AGBL4: variants seen among roughly 807,000 people sequenced by gnomAD.
AGBL4 encodes AGBL carboxypeptidase 4.
A neutral mutation model predicts 66.4 loss-of-function variants in AGBL4; 58 were observed. The ratio of observed to expected loss-of-function variants is 0.87; its 90% confidence interval spans 0.71 to 1.09. The LOEUF is 1.09. Ranked by LOEUF, AGBL4 falls within the 50% of genes least tolerant of loss-of-function variation. The probability of loss-of-function intolerance (pLI) is 0.00; values close to 1 mark genes in which losing one functional copy is unlikely to be tolerated. For missense variants in AGBL4, 579 were observed against 631.0 expected, an observed-to-expected ratio of 0.92 and a Z score of 0.88; for synonymous variants, 234 against 222.9, an observed-to-expected ratio of 1.05 and a Z score of -0.44.
Position 49,559,869 on chromosome 1 carries a change from T to C in AGBL4, c.282+137444A>G, listed in dbSNP as rs1176696622. On this transcript the variant is annotated intron_variant, in intron 3 of 13. Transcript: ENST00000371839. ...CCTATTGGGAAATTGTACTTTGTGATAGTGTGAGTCAATTATCACTAATAA... is the reference window on the plus strand; with the variant it reads ...CCTATTGGGAAATTGTACTTTGTGACAGTGTGAGTCAATTATCACTAATAA... Among the ~76,000 whole-genome samples, 8 of 152,292 alleles carry C rather than the reference T, an allele frequency of 5.3e-5. No homozygotes were observed. The East Asian group carries it at 1.2e-3, about 22-fold the overall frequency.
intron 2 of AGBL4, chr1:49,846,037 T>C: frequency 6.3e-7 from 1 of 1,592,724 alleles, no homozygotes; most frequent in East Asian, 2.2e-5. Context: ...TCAGTCAGCT[T>C]GCTCCCCTCA....
chr1:48,565,942 G>A (rs1644469884), intron 11 of AGBL4, among the ~76,000 whole-genome samples: 1 of 152,014 alleles, frequency 6.6e-6, no homozygotes, highest in African/African-American at 2.4e-5. Flanking sequence ...ATGAAGTATG[G>A]GCTTCACAAT....
chr1:48,793,064 A>G (rs146524588), intron 6 of AGBL4, among the ~76,000 whole-genome samples: 65 of 152,174 alleles, frequency 4.3e-4, no homozygotes, highest in Middle Eastern at 3.4e-3. Flanking sequence ...TTTATATCCA[A>G]TTTACACAAT....
rs530133008 is a variant in AGBL4, at chr1:49,465,395, T to G, written c.283-219531A>C. Among the ~76,000 whole-genome samples, 21 of 151,724 alleles carry G rather than the reference T, an allele frequency of 1.4e-4. No individual in the cohort carries two copies. In the East Asian group the frequency reaches 3.7e-3, roughly 27 times the overall value. On this transcript the variant is annotated intron_variant, in intron 3 of 13. Coordinates refer to ENST00000371839, the MANE Select transcript of AGBL4 (RefSeq NM_032785.4). ...GCCTGTGTCCTCATTTGTAAAACTG[T>G]CAGAATAAGAGCTGCCTTACCTACC...
intron 5 of AGBL4, among the ~76,000 whole-genome samples, chr1:49,035,914 C>G (rs1271390571): frequency 2.0e-5 from 3 of 151,842 alleles, no homozygotes; most frequent in Non-Finnish European, 4.4e-5. Context: ...CCGCTAAACA[C>G]TGGGGTCTCA....
chr1:49,034,906 C>T (rs192030224), intron 5 of AGBL4, among the ~76,000 whole-genome samples: 6 of 152,024 alleles, frequency 3.9e-5, no homozygotes, highest in Admixed American at 2.6e-4. Context: ...CAAGTATGTA[C>T]GCTAAAATTT....
At chr1:49,976,389 T>A (rs1474322902) in intron 1 of AGBL4, among the ~76,000 whole-genome samples, 2 of 152,158 alleles carry the variant, frequency 1.3e-5, no homozygotes, top group Admixed American at 1.3e-4. Context: ...TATATTGATA[T>A]AAATAACTGC....
At chr1:49,679,305 T>A (rs1202694526) in intron 3 of AGBL4, among the ~76,000 whole-genome samples, 2 of 152,182 alleles carry the variant, frequency 1.3e-5, no homozygotes, top group African/African-American at 4.8e-5. Context: ...CTGTCTCTGA[T>A]AATTTTCTTT....
At chr1:48,670,211 A>G (rs761550827) in intron 6 of AGBL4, among the ~76,000 whole-genome samples, 2 of 152,224 alleles carry the variant, frequency 1.3e-5, no homozygotes, top group Non-Finnish European at 2.9e-5. Context: ...GTCTTTACAA[A>G]GCAGTAAGGG....
chr1:49,844,989 A>T (rs1226212348), intron 2 of AGBL4: 1 of 1,401,310 alleles, frequency 7.1e-7, no homozygotes, highest in African/African-American at 1.4e-5. Context: ...CTGAACAACA[A>T]GGCCCCCACA....
intron 1 of AGBL4, among the ~76,000 whole-genome samples, chr1:50,002,805 C>T (rs184478427): frequency 8.7e-4 from 133 of 152,246 alleles, no homozygotes; most frequent in African/African-American, 3.1e-3. Flanking sequence ...CTAGGATATG[C>T]ATTACAGGAT....
intron 9 of AGBL4, among the ~76,000 whole-genome samples, chr1:48,629,099 A>G (rs1645551875): frequency 6.6e-6 from 1 of 152,174 alleles, no homozygotes; most frequent in Non-Finnish European, 1.5e-5. Context: ...TTTGTTATTT[A>G]GCTTCATCAA....
At chr1:49,473,872 A>G (rs1475763486) in intron 3 of AGBL4, among the ~76,000 whole-genome samples, 1 of 152,102 alleles carries the variant, frequency 6.6e-6, no homozygotes, top group Non-Finnish European at 1.5e-5. Context: ...TCCCAGAAGC[A>G]CTTGCTGAAT....
At chr1:49,711,450 A>G (rs933132498) in intron 2 of AGBL4, among the ~76,000 whole-genome samples, 1 of 152,242 alleles carries the variant, frequency 6.6e-6, no homozygotes, top group Non-Finnish European at 1.5e-5. Flanking sequence ...ATCAATCTCA[A>G]ATCATTATGT....
At chr1:49,260,054 A>T (rs1372650782) in intron 3 of AGBL4, among the ~76,000 whole-genome samples, 10 of 150,776 alleles carry the variant, frequency 6.6e-5, no homozygotes, top group Non-Finnish European at 1.3e-4. Context: ...CTCCTGAATG[A>T]CTACTGGGTA....
At position 49,313,564 on chromosome 1, in the gene AGBL4, A is replaced by G. The variant is rs904097205; in HGVS notation, c.283-67700T>C. On this transcript the variant is annotated intron_variant, in intron 3 of 13. Coordinates refer to ENST00000371839, the MANE Select transcript of AGBL4 (RefSeq NM_032785.4). ...GTTTCCTGAATTTTTAATGATTGCC[A>G]TTCTAACTGGCATGAGATAGTACCT... Among the ~76,000 whole-genome samples, 4 of 152,272 alleles carry G rather than the reference A, an allele frequency of 2.6e-5. No individual in the cohort carries two copies. In the East Asian group the frequency reaches 7.7e-4, roughly 29 times the overall value.
At chr1:48,935,276 T>G (rs1240228720) in intron 5 of AGBL4, among the ~76,000 whole-genome samples, 2 of 152,084 alleles carry the variant, frequency 1.3e-5, no homozygotes, top group African/African-American at 4.8e-5. Context: ...TAAAATAACA[T>G]CCTGCCTGCC....
At position 50,023,856 on chromosome 1, in the gene AGBL4, G is replaced by T. The variant is rs953513583; in HGVS notation, c.-60C>A. 12 of 1,527,670 alleles carry T rather than the reference G, an allele frequency of 7.9e-6. No individual in the cohort carries two copies. In the African/African-American group the frequency reaches 1.3e-4, roughly 16 times the overall value. 94.6% of individuals were successfully genotyped at this position (1,527,670 alleles called of 1,614,324 possible). The stretch of plus-strand genomic sequence containing the variant: ...GACCGCGGGGCAGTAGGGAGCGGGT[G>T]GTGGGATCAGTGGGCTGACAGGAGC... On this transcript the variant is annotated 5_prime_UTR_variant, in exon 1 of 14. Coordinates refer to ENST00000371839, the MANE Select transcript of AGBL4 (RefSeq NM_032785.4).
chr1:48,817,992 C>T (rs1179213643), intron 6 of AGBL4: 1 of 707,716 alleles, frequency 1.4e-6, no homozygotes, highest in African/African-American at 1.8e-5. Context: ...TCTTAAGCAC[C>T]TGAGAGTCTG....
Sources: allele counts gnomAD v4.1 joint callset (sites outside exome capture counted in the v4.1 genomes callset), GRCh38; gene constraint gnomAD v4.1.1; transcripts MANE v1.5; gene names NCBI Gene and HGNC (gene_info 2026-07-23, HGNC 2026-07-21).